CFAP54: variants seen among roughly 807,000 people sequenced by gnomAD.
CFAP54 encodes the protein cilia- and flagella-associated protein 54.
Under a neutral mutation model 370.4 loss-of-function variants are expected in CFAP54, and 290 were observed. The observed-to-expected ratio is 0.78, with a 90% CI of 0.71 to 0.86. The LOEUF (loss-of-function observed/expected upper bound fraction) is 0.86. CFAP54 is among the 40% of genes least tolerant of loss of function. The pLI is 0.00. For missense variants in CFAP54, 3,399 were observed against 3,528.7 expected (o/e 0.96, Z 0.93); for synonymous variants, 1,206 against 1,236.5 (o/e 0.98, Z 0.52).
chr12:96,682,641 GC>G (rs1275307894), intron 40 of CFAP54, among the ~76,000 whole-genome samples: 2 of 152,098 alleles, frequency 1.3e-5, no homozygotes, highest in Non-Finnish European at 2.9e-5. Context: ...CTCCCAAAAC[GC>G]TGGTACAGGA....
intron 32 of CFAP54, among the ~76,000 whole-genome samples, chr12:96,632,409 A>G (rs1369300267): frequency 1.3e-5 from 2 of 151,958 alleles, no homozygotes. Flanking sequence ...TAGGAATTTC[A>G]TTAATTTGTT....
At chr12:96,620,657 A>T (rs1365928921) in intron 26 of CFAP54, among the ~76,000 whole-genome samples, 1 of 152,240 alleles carries the variant, frequency 6.6e-6, no homozygotes, top group Non-Finnish European at 1.5e-5. Flanking sequence ...ACACAAACTT[A>T]TTTATACTCC....
chr12:96,580,706 A>G lies in CFAP54; in HGVS notation c.2889+17A>G. On this transcript the variant is annotated intron_variant, in intron 21 of 67. Transcript: ENST00000524981. Reference sequence around the variant, plus strand: ...GGAGAAGCGGTACGTCAAATTAAACATCAGGAAATCTTACTGAAGCCTTTA... The same window carrying G: ...GGAGAAGCGGTACGTCAAATTAAACGTCAGGAAATCTTACTGAAGCCTTTA... 2 of 1,422,962 alleles carry G rather than the reference A, an allele frequency of 1.4e-6. No homozygotes were observed. Among genetic ancestry groups the G allele is most frequent in the Non-Finnish European group, 1.9e-6 (2 of 1,055,244 alleles). The allele number at this position is 1,422,962 out of a possible 1,614,324, so 88.1% of individuals were successfully genotyped here.
intron 5 of CFAP54, among the ~76,000 whole-genome samples, chr12:96,513,825 G>A (rs952461912): frequency 6.6e-6 from 1 of 152,106 alleles, no homozygotes; most frequent in African/African-American, 2.4e-5. Context: ...GTCATGATAC[G>A]GAGCTTGGAT....
At chr12:96,653,469 A>G (rs908259185) in intron 36 of CFAP54, among the ~76,000 whole-genome samples, 9 of 152,242 alleles carry the variant, frequency 5.9e-5, no homozygotes, top group African/African-American at 2.2e-4. Context: ...TTGCCATAAT[A>G]TAGGAAGAAA....
At chr12:96,732,011 C>T (rs11108660) in intron 50 of CFAP54, among the ~76,000 whole-genome samples, 10,988 of 152,108 alleles carry the variant, frequency 0.072, 807 homozygotes, top group East Asian at 0.44. Context: ...GACTGTGTGA[C>T]GCCTAATCTT....
intron 15 of CFAP54, among the ~76,000 whole-genome samples, chr12:96,549,719 G>A (rs895324970): frequency 3.3e-5 from 5 of 152,148 alleles, no homozygotes; most frequent in African/African-American, 1.2e-4. Flanking sequence ...ATTCCACTGA[G>A]TTGTTATATA....
intron 6 of CFAP54, among the ~76,000 whole-genome samples, chr12:96,521,568 G>C (rs149690671): frequency 6.6e-6 from 1 of 151,594 alleles, no homozygotes; most frequent in Non-Finnish European, 1.5e-5. Flanking sequence ...ACATGAGGAC[G>C]TGCGGTGCCA....
rs771905111 is a variant in CFAP54 at position 96,743,722 on chromosome 12, T to C, written c.7378-9T>C. The stretch of plus-strand genomic sequence containing the variant: ...AGTACTATCAAAATGAATAATTTTA[T>C]TTTAATAGGATATAATACATTTGCT... On this transcript the variant is annotated splice_polypyrimidine_tract_variant and intron_variant, in intron 53 of 67. Transcript: ENST00000524981. 5.1e-6 allele frequency: 8 copies of C among 1,580,224 alleles called. No homozygotes were observed. In the Admixed American group the frequency reaches 5.6e-5, roughly 11 times the overall value.
chr12:96,705,699 C>T (rs1592717538), intron 47 of CFAP54, among the ~76,000 whole-genome samples: 1 of 152,066 alleles, frequency 6.6e-6, no homozygotes, highest in Non-Finnish European at 1.5e-5. Context: ...TTTCTATTAG[C>T]TAGTTAGTTA....
At chr12:96,826,530 TATATTA>T (rs1178481505) in intron 65 of CFAP54, among the ~76,000 whole-genome samples, 7 of 68,896 alleles carry the variant, frequency 1.0e-4, no homozygotes, top group Non-Finnish European at 1.6e-4. Flanking sequence ...TAATATATTA[TATATTA>T]TATATATAAT....
At position 96,554,720 on chromosome 12, in the gene CFAP54, A is replaced by G. The variant is rs1955733517; in HGVS notation, c.2328A>G (p.Ser776=). 3 of 1,535,180 alleles carry G rather than the reference A, an allele frequency of 2.0e-6. No individual in the cohort carries two copies. The highest frequency in any genetic ancestry group is 2.6e-6 in the Non-Finnish European group (3 of 1,146,238). ...GAGATACTTACAAACCACTTGCCTC[A>G]AATAGTTTCATGATGGATTTGCATC... ...IDGDTYKPLA[S]NSFMMDLHLE... Residue 776 remains serine, a synonymous_variant, in exon 17 of 68, where the codon TCA becomes TCG. Transcript: ENST00000524981.
In CFAP54 at chr12:96,625,782, G is replaced by A; in HGVS notation, c.3951G>A (p.Trp1317Ter). 3.9e-6 allele frequency: 6 copies of A among 1,535,750 alleles called. No homozygotes were observed. Among genetic ancestry groups the A allele is most frequent in the Non-Finnish European group, 5.2e-6 (6 of 1,146,680 alleles). Reference sequence around the variant, plus strand: ...TTCTTTATCCTGTAGTTTTGAATTGGTCGGTCAAAGGTGCCGTGAAAGAAG... The same window carrying A: ...TTCTTTATCCTGTAGTTTTGAATTGATCGGTCAAAGGTGCCGTGAAAGAAG... Reference protein sequence around the residue: ...PIFLYPVVLNWSVKGAVKEVM... With the variant: ...PIFLYPVVLN Residue 1317 changes from tryptophan to a stop codon, truncating the protein, a stop_gained, in exon 29 of 68, where the codon TGG (tryptophan) becomes TGA (stop). Coordinates refer to ENST00000524981, the MANE Select transcript of CFAP54 (RefSeq NM_001306084.2). LOFTEE classifies it high-confidence loss of function.
chr12:96,848,271 C>T (rs1566001619), intron 66 of CFAP54, among the ~76,000 whole-genome samples: 1 of 151,962 alleles, frequency 6.6e-6, no homozygotes, highest in African/African-American at 2.4e-5. Flanking sequence ...GAGACGGTTT[C>T]ACCATGTTGG....
chr12:96,642,533 A>G (rs372415619), intron 32 of CFAP54, among the ~76,000 whole-genome samples: 14 of 152,180 alleles, frequency 9.2e-5, no homozygotes, highest in African/African-American at 3.4e-4. Context: ...AATTCATTCT[A>G]ATAACTGGAA....
chr12:96,852,330 C>T (rs977264897), intron 66 of CFAP54, among the ~76,000 whole-genome samples: 3 of 152,042 alleles, frequency 2.0e-5, no homozygotes, highest in Non-Finnish European at 2.9e-5. Flanking sequence ...AATAGAAATG[C>T]TCTCTCTTCA....
chr12:96,704,228 C>G (rs1957521147), intron 46 of CFAP54, among the ~76,000 whole-genome samples: 1 of 151,550 alleles, frequency 6.6e-6, no homozygotes, highest in Non-Finnish European at 1.5e-5. Flanking sequence ...GATATCAAGA[C>G]CATCCTGGCT....
intron 50 of CFAP54, among the ~76,000 whole-genome samples, chr12:96,722,447 A>T (rs543497399): frequency 1.3e-5 from 2 of 152,204 alleles, no homozygotes; most frequent in Non-Finnish European, 2.9e-5. Flanking sequence ...TGTTTGAGGG[A>T]CACCTCCAGG....
At chr12:96,615,141 A>G (rs1956401255) in intron 26 of CFAP54, among the ~76,000 whole-genome samples, 3 of 152,260 alleles carry the variant, frequency 2.0e-5, no homozygotes, top group Non-Finnish European at 4.4e-5. Context: ...CCAAAACAGC[A>G]TGGTAGTGGT....
Sources: allele counts gnomAD v4.1 joint callset (sites outside exome capture counted in the v4.1 genomes callset), GRCh38; gene constraint gnomAD v4.1.1; transcripts MANE v1.5; gene names NCBI Gene and HGNC (gene_info 2026-07-23, HGNC 2026-07-21).